CACNB3: variants seen among roughly 807,000 people sequenced by gnomAD.
CACNB3 encodes voltage-dependent L-type calcium channel subunit beta-3.
A neutral mutation model predicts 63.7 loss-of-function variants in CACNB3; 36 were observed. That is an observed-to-expected ratio of 0.57 (90% CI 0.43 to 0.75). The LOEUF (loss-of-function observed/expected upper bound fraction) is 0.75. Among genes scored for constraint, CACNB3 ranks in the 30% least tolerant of loss-of-function variants. The pLI is 0.00. For synonymous variants in CACNB3, 241 were observed against 250.6 expected (o/e 0.96, Z 0.36); for missense variants, 493 against 648.6 (o/e 0.76, Z 2.61).
At chr12:48,818,470 G>C, upstream of CACNB3, 1 of 993,100 alleles carries the variant, frequency 1.0e-6, no homozygotes, top group Non-Finnish European at 1.2e-6. The surrounding 1 kb of genome is among the most constrained non-coding windows in gnomAD (Gnocchi z 4.3). Flanking sequence ...TCCCTGCCTG[G>C]ATCCGCCCTG....
chr12:48,821,320 C>T (rs1199072622), intron 1 of CACNB3: 1 of 152,120 alleles, frequency 6.6e-6, no homozygotes, highest in African/African-American at 2.4e-5. Flanking sequence ...TAGCAAGATC[C>T]TGTCTCTACA....
upstream of CACNB3, chr12:48,814,505 C>A (rs1942238930): frequency 1.3e-6 from 2 of 1,530,500 alleles, no homozygotes; most frequent in Non-Finnish European, 1.7e-6. The surrounding 1 kb of genome is among the most constrained non-coding windows in gnomAD (Gnocchi z 6.9). Context: ...CAGTCCCGGC[C>A]AGGACGCTGC....
Position 48,828,129 on chromosome 12 carries a change from CTG to C in CACNB3, c.*236_*237del. The C allele has an allele frequency of 1.7e-6, 1 of 582,554 alleles. No homozygotes were observed. The allele number at this position is 582,554 out of a possible 1,614,324, so 36.1% of individuals were successfully genotyped here. On this transcript the variant is annotated 3_prime_UTR_variant, in exon 13 of 13. Transcript: ENST00000301050. ...ACTAGGCTCCCATTCCAGGTACTAG[CTG>C]TGTGTTCTGCACCCCTGGCACCTTC...
At position 48,826,940 on chromosome 12, in the gene CACNB3, G is replaced by A. The variant is rs1398263828; in HGVS notation, c.991-34G>A. 6.2e-7 allele frequency: 1 copy of A among 1,613,568 alleles called. No homozygotes were observed. Among genetic ancestry groups the A allele is most frequent in the South Asian group, 1.1e-5 (1 of 91,042 alleles). ...ATGGGTGGGGGGCTGCTACTGAGGG[G>A]AAACCAACGTTGCGCCTTCCTCCCC... On this transcript the variant is annotated intron_variant, in intron 11 of 12. Transcript: ENST00000301050. The surrounding 1 kb of genome is among the most constrained non-coding windows in gnomAD (Gnocchi z 4.8).
intron 1 of CACNB3, chr12:48,819,931 C>G (rs1937762187): frequency 3.3e-6 from 1 of 304,260 alleles, no homozygotes; most frequent in African/African-American, 2.2e-5. Flanking sequence ...ACAACTTTCC[C>G]TCAAATGTCC....
chr12:48,817,027 A>G (rs1018591417), upstream of CACNB3: 12 of 984,160 alleles, frequency 1.2e-5, no homozygotes, highest in Admixed American at 2.5e-4. Context: ...GTGTCTGGGA[A>G]CTTCCAATAC....
chr12:48,814,501 C>T (rs1238704406), upstream of CACNB3: 4 of 1,530,582 alleles, frequency 2.6e-6, no homozygotes, highest in East Asian at 2.5e-5. This position sits in a 1 kb window ranked among gnomAD's most constrained non-coding sequence, Gnocchi z 6.9. Flanking sequence ...TGCCCAGTCC[C>T]GGCCAGGACG....
Position 48,825,728 on chromosome 12 carries a change from A to T in CACNB3, c.701A>T (p.Lys234Met). Residue 234 changes from lysine to methionine, a missense_variant, in exon 9 of 13, where the codon AAG (lysine) becomes ATG (methionine). By Grantham distance (95) the Lys-to-Met change is moderately conservative. Coordinates refer to ENST00000301050, the MANE Select transcript of CACNB3 (RefSeq NM_000725.4). The surrounding 1 kb of genome is among the most constrained non-coding windows in gnomAD (Gnocchi z 4.5). ...CGATCTGTGCTCAACAATCCGGGCA[A>T]GAGGACCATCATTGAGCGCTCCTCT... ...AKRSVLNNPGKRTIIERSSAR... is the reference protein window; with the variant it reads ...AKRSVLNNPGMRTIIERSSAR... 6.2e-7 allele frequency: 1 copy of T among 1,614,208 alleles called. No individual in the cohort carries two copies.
rs1937970231 is a variant in CACNB3, at chr12:48,823,645, C to G, written c.169-36C>G. 4 of 1,613,736 alleles carry G rather than the reference C, an allele frequency of 2.5e-6. No individual in the cohort carries two copies. The South Asian group carries it at 4.4e-5, about 18-fold the overall frequency. Reference sequence around the variant, plus strand: ...CTGAAGCTGGAAGGGGTGCTTCGAGCCTTCTCTCACTTGCACTAATGGGCA... The same window carrying G: ...CTGAAGCTGGAAGGGGTGCTTCGAGGCTTCTCTCACTTGCACTAATGGGCA... On this transcript the variant is annotated intron_variant, in intron 2 of 12. Coordinates refer to ENST00000301050, the MANE Select transcript of CACNB3 (RefSeq NM_000725.4). The surrounding 1 kb of genome is among the most constrained non-coding windows in gnomAD (Gnocchi z 4.2).
At chr12:48,827,233 A>G (rs879450546) in intron 12 of CACNB3, 110 bp downstream of exon 12, 7 of 1,337,206 alleles carry the variant, frequency 5.2e-6, no homozygotes, top group South Asian at 1.3e-5. Context: ...AAAGGATTGT[A>G]GAACTCTCAG....
In CACNB3 at chr12:48,818,543, C is replaced by T; in HGVS notation, c.-387C>T. On this transcript the variant is annotated 5_prime_UTR_variant, in exon 1 of 13. Transcript: ENST00000301050. The surrounding 1 kb of genome is among the most constrained non-coding windows in gnomAD (Gnocchi z 4.3). Reference sequence around the variant, plus strand: ...GCCCCGTAGGTGCTCGGGGACCCACCTTCCACCTAGCACGGGTTCGTTCCC... The same window carrying T: ...GCCCCGTAGGTGCTCGGGGACCCACTTTCCACCTAGCACGGGTTCGTTCCC... 9.7e-7 allele frequency: 1 copy of T among 1,028,884 alleles called. No individual in the cohort carries two copies. The highest frequency in any genetic ancestry group is 1.2e-6 in the Non-Finnish European group (1 of 858,792). 63.7% of individuals were successfully genotyped at this position (1,028,884 alleles called of 1,614,324 possible). A position where few individuals can be genotyped will look rare whatever the true frequency, so the allele number is the denominator to read the frequency against.
At chr12:48,814,910 T>G, upstream of CACNB3, 15 of 230,066 alleles carry the variant, frequency 6.5e-5, no homozygotes, top group East Asian at 2.6e-4. This position sits in a 1 kb window ranked among gnomAD's most constrained non-coding sequence, Gnocchi z 6.9. Context: ...CGCCTCGCCC[T>G]TCCCCTTCGC....
rs144655951 is a variant in CACNB3 at position 48,828,840 on chromosome 12, C to T, written c.*941C>T. The T allele has an allele frequency of 2.4e-4, 108 of 449,002 alleles. 2 individuals are homozygous for T. In the Middle Eastern group the frequency reaches 2.7e-3, roughly 11 times the overall value. The allele number at this position is 449,002 out of a possible 1,614,324, so 27.8% of individuals were successfully genotyped here. On this transcript the variant is annotated 3_prime_UTR_variant, in exon 13 of 13. Transcript: ENST00000301050. ...ACAGGGCACAGAGGACCTGTCTCCC[C>T]GGCTACTCTTGCCTTATGGCTCTAG... is the stretch of plus-strand genomic sequence containing the variant.
Position 48,825,860 on chromosome 12 carries a change from G to C in CACNB3, c.742+91G>C, listed in dbSNP as rs762906151. 4.7e-6 allele frequency: 4 copies of C among 854,618 alleles called. No individual in the cohort carries two copies. The allele number at this position is 854,618 out of a possible 1,614,324, so 52.9% of individuals were successfully genotyped here. On this transcript the variant is annotated intron_variant, in intron 9 of 12. Coordinates refer to ENST00000301050, the MANE Select transcript of CACNB3 (RefSeq NM_000725.4). The surrounding 1 kb of genome is among the most constrained non-coding windows in gnomAD (Gnocchi z 4.5). Reference sequence around the variant, plus strand: ...TTTCTTTTTTTTGAGATGGAGTCTCGCTCTGTCACCTAGGCTGGAGTGCAG... The same window carrying C: ...TTTCTTTTTTTTGAGATGGAGTCTCCCTCTGTCACCTAGGCTGGAGTGCAG...
Position 48,818,984 on chromosome 12 carries a change from C to G in CACNB3, c.45+10C>G. 1 of 1,605,030 alleles carries G rather than the reference C, an allele frequency of 6.2e-7. No homozygotes were observed. The highest frequency in any genetic ancestry group is 8.5e-7 in the Non-Finnish European group (1 of 1,176,014). The stretch of plus-strand genomic sequence containing the variant: ...TGAGGACTCGGAGGCGGTGAGTGCC[C>G]ACGATGAGGGTGGGGGCGGGGAAGT... On this transcript the variant is annotated intron_variant, in intron 1 of 12. Coordinates refer to ENST00000301050, the MANE Select transcript of CACNB3 (RefSeq NM_000725.4). This position sits in a 1 kb window ranked among gnomAD's most constrained non-coding sequence, Gnocchi z 4.3.
chr12:48,824,134 C>T (rs369489268), intron 3 of CACNB3, 124 bp from the exon 4 acceptor site: 15 of 833,338 alleles, frequency 1.8e-5, no homozygotes, highest in East Asian at 5.4e-5. Flanking sequence ...TTCTGCCCAC[C>T]GCCCCTTGCA....
Position 48,823,613 on chromosome 12 carries a change from T to C in CACNB3, c.169-68T>C. The C allele has an allele frequency of 6.2e-7, 1 of 1,612,234 alleles. No homozygotes were observed. The highest frequency in any genetic ancestry group is 1.1e-5 in the South Asian group (1 of 90,836). On this transcript the variant is annotated intron_variant, in intron 2 of 12. Coordinates refer to ENST00000301050, the MANE Select transcript of CACNB3 (RefSeq NM_000725.4). This position sits in a 1 kb window ranked among gnomAD's most constrained non-coding sequence, Gnocchi z 4.2. ...GGCAGAGGCCACGGCCTTCTGCTGT[T>C]GGGGCACTGAAGCTGGAAGGGGTGC...
chr12:48,823,449 C>T lies in CACNB3; in HGVS notation c.151C>T (p.Gln51Ter). Residue 51 changes from glutamine to a stop codon, truncating the protein, a stop_gained, in exon 2 of 13, where the codon CAG (glutamine) becomes TAG (stop). Coordinates refer to ENST00000301050, the MANE Select transcript of CACNB3 (RefSeq NM_000725.4). LOFTEE classifies it high-confidence loss of function. The surrounding 1 kb of genome is among the most constrained non-coding windows in gnomAD (Gnocchi z 4.2). Reference protein sequence around the residue: ...RREVESQAQQQLERAKHKPVA... With the variant: ...RREVESQAQQ ...TGAAGTAGAGAGCCAGGCTCAGCAG[C>T]AGCTCGAAAGGGCCAAGGTATACTT... The T allele has an allele frequency of 6.2e-7, 1 of 1,614,054 alleles. No homozygotes were observed. The highest frequency in any genetic ancestry group is 1.7e-5 in the Admixed American group (1 of 60,014).
rs1338473918 is a variant in CACNB3, at chr12:48,825,627, GA to G, written c.633-31del. On this transcript the variant is annotated intron_variant, in intron 8 of 12. Transcript: ENST00000301050. This position sits in a 1 kb window ranked among gnomAD's most constrained non-coding sequence, Gnocchi z 4.5. ...AAGGAGAGGCTGAGGCACAGGTTTAGAAGCAAGCTGTGATTCTCCACTCCCA... is the reference window on the plus strand; with the variant it reads ...AAGGAGAGGCTGAGGCACAGGTTTAGAGCAAGCTGTGATTCTCCACTCCCA... 15 of 1,590,534 alleles carry G rather than the reference GA, an allele frequency of 9.4e-6. No individual in the cohort carries two copies. Among genetic ancestry groups the G allele is most frequent in the African/African-American group, 1.3e-5 (1 of 74,490 alleles).
Sources: allele counts gnomAD v4.1 joint callset, GRCh38; gene constraint gnomAD v4.1.1; non-coding constraint Gnocchi (gnomAD v3.1); transcripts MANE v1.5; gene names NCBI Gene and HGNC (gene_info 2026-07-23, HGNC 2026-07-21).